DACH1: variants seen among roughly 807,000 people sequenced by gnomAD.
DACH1 encodes dachshund family transcription factor 1.
A neutral mutation model predicts 54.2 loss-of-function variants in DACH1; 12 were observed. The ratio of observed to expected loss-of-function variants is 0.22; its 90% CI spans 0.14 to 0.36. DACH1 has a LOEUF of 0.36. DACH1 is among the 10% of genes least tolerant of loss of function. The probability of loss-of-function intolerance (pLI) is 1.00; values close to 1 mark genes in which losing one functional copy is unlikely to be tolerated. For synonymous variants in DACH1, 386 were observed against 366.2 expected (o/e 1.05, Z -0.62); for missense variants, 805 against 929.8 (o/e 0.87, Z 1.75).
intron 1 of DACH1, among the ~76,000 whole-genome samples, chr13:71,725,126 T>G (rs1447496404): frequency 6.6e-6 from 1 of 152,056 alleles, no homozygotes; most frequent in African/African-American, 2.4e-5. Context: ...AACATAAAAT[T>G]AGTACAACAA....
At chr13:71,779,207 G>GTA (rs1186277049) in intron 1 of DACH1, among the ~76,000 whole-genome samples, 7 of 104,576 alleles carry the variant, frequency 6.7e-5, no homozygotes, top group African/African-American at 2.4e-4. Context: ...GTATATATGT[G>GTA]TATATATATA....
At chr13:71,572,053 T>C (rs1481363208) in intron 4 of DACH1, among the ~76,000 whole-genome samples, 2 of 152,148 alleles carry the variant, frequency 1.3e-5, no homozygotes, top group Admixed American at 1.3e-4. Flanking sequence ...AAAAATGGGA[T>C]AATTGTAATG....
chr13:71,815,640 C>T (rs1009218496), intron 1 of DACH1, among the ~76,000 whole-genome samples: 4 of 152,126 alleles, frequency 2.6e-5, no homozygotes, highest in African/African-American at 9.7e-5. Context: ...TTTAGGAAAA[C>T]AGTTTAACAA....
chr13:71,603,396 C>T (rs1417151881), intron 3 of DACH1, among the ~76,000 whole-genome samples: 1 of 152,004 alleles, frequency 6.6e-6, no homozygotes, highest in Non-Finnish European at 1.5e-5. Context: ...AGTGTGCCTA[C>T]ACCACAGGTT....
chr13:71,785,911 C>G (rs1886572982), intron 1 of DACH1, among the ~76,000 whole-genome samples: 1 of 152,126 alleles, frequency 6.6e-6, no homozygotes, highest in African/African-American at 2.4e-5. Context: ...TATTCTTGGA[C>G]AGGCAGGGTC....
chr13:71,627,944 T>C (rs1411276326), intron 3 of DACH1, among the ~76,000 whole-genome samples: 1 of 151,976 alleles, frequency 6.6e-6, no homozygotes, highest in Non-Finnish European at 1.5e-5. Context: ...ATAATAATAA[T>C]AGCAAAAGCA....
intron 3 of DACH1, among the ~76,000 whole-genome samples, chr13:71,592,264 T>C (rs1873763206): frequency 6.6e-6 from 1 of 151,922 alleles, no homozygotes; most frequent in Non-Finnish European, 1.5e-5. Context: ...GTAATCTCAA[T>C]ATTTTTGGAG....
chr13:71,795,372 T>C (rs1887003760), intron 1 of DACH1, among the ~76,000 whole-genome samples: 1 of 152,168 alleles, frequency 6.6e-6, no homozygotes, highest in Non-Finnish European at 1.5e-5. Context: ...CAGTGAACCA[T>C]GTTTACTTTC....
At chr13:71,668,599 G>A (rs1342057152) in intron 2 of DACH1, among the ~76,000 whole-genome samples, 2 of 151,764 alleles carry the variant, frequency 1.3e-5, no homozygotes, top group African/African-American at 4.8e-5. Flanking sequence ...TGATCTAATT[G>A]AAAAATACAA....
At chr13:71,729,312 TA>T (rs1475388904) in intron 1 of DACH1, among the ~76,000 whole-genome samples, 1 of 152,066 alleles carries the variant, frequency 6.6e-6, no homozygotes, top group Non-Finnish European at 1.5e-5. Flanking sequence ...GAATGCAATC[TA>T]TCTAGTCCAC....
intron 1 of DACH1, among the ~76,000 whole-genome samples, chr13:71,686,691 C>G (rs1474396506): frequency 6.6e-6 from 1 of 152,154 alleles, no homozygotes; most frequent in African/African-American, 2.4e-5. Flanking sequence ...AAGCTTAATT[C>G]TCTTTCTAAG....
chr13:71,528,680 C>T (rs991231748), intron 6 of DACH1, among the ~76,000 whole-genome samples: 1 of 151,756 alleles, frequency 6.6e-6, no homozygotes, highest in Non-Finnish European at 1.5e-5. Context: ...TCCACCGGGC[C>T]GGAAAAACAG....
chr13:71,866,918 G>C lies in DACH1; in HGVS notation c.-149C>G, dbSNP rs1295243291. The stretch of plus-strand genomic sequence containing the variant: ...GAACGAGAAGGAGAAAGGGAGAGAA[G>C]GGGGAGAAAAGGAGGTGAAGGTAAT... On this transcript the variant is annotated 5_prime_UTR_variant, in exon 1 of 11. Transcript: ENST00000613252. 1.2e-5 allele frequency: 7 copies of C among 585,648 alleles called. No individual in the cohort carries two copies. Among genetic ancestry groups the C allele is most frequent in the Non-Finnish European group, 1.8e-5 (7 of 399,964 alleles). 36.3% of individuals were successfully genotyped at this position (585,648 alleles called of 1,614,324 possible).
In DACH1 at chr13:71,866,438, G is replaced by A. The variant is rs748193522; in HGVS notation, c.332C>T (p.Ala111Val). Residue 111 changes from alanine (A) to valine (V), a missense_variant, in exon 1 of 11, where the codon GCG becomes GTG. Physicochemically the swap from Ala to Val is moderately conservative, Grantham distance 64. Transcript: ENST00000613252. ...GSNCNPNLAA[A>V]SNGSGGGGGG... Reference sequence around the variant, plus strand: ...GCCGCCGCCGCCGCTGCCGTTGCTCGCGGCCGCCAGGTTGGGGTTGCAGTT... The same window carrying A: ...GCCGCCGCCGCCGCTGCCGTTGCTCACGGCCGCCAGGTTGGGGTTGCAGTT... The A allele has an allele frequency of 1.9e-5, 27 of 1,392,238 alleles. No homozygotes were observed. The highest frequency in any genetic ancestry group is 1.6e-5 in the Non-Finnish European group (17 of 1,065,008). 86.2% of individuals were successfully genotyped at this position (1,392,238 alleles called of 1,614,324 possible).
At chr13:71,619,452 A>G (rs1212658617) in intron 3 of DACH1, among the ~76,000 whole-genome samples, 1 of 151,918 alleles carries the variant, frequency 6.6e-6, no homozygotes, top group East Asian at 1.9e-4. Flanking sequence ...CATTTATCCA[A>G]TTAATAAAAA....
chr13:71,834,709 T>A (rs79292587), intron 1 of DACH1, among the ~76,000 whole-genome samples: 12,382 of 151,970 alleles, frequency 0.081, 1,555 homozygotes, highest in African/African-American at 0.27. Context: ...ATGCACTACT[T>A]AAATTGGTTT....
chr13:71,642,623 T>C (rs1166650596), intron 2 of DACH1, among the ~76,000 whole-genome samples: 1 of 152,236 alleles, frequency 6.6e-6, no homozygotes, highest in Non-Finnish European at 1.5e-5. Context: ...AGTTCAAATT[T>C]ATAAGGTGAC....
At chr13:71,675,054 T>A in intron 2 of DACH1, 1 of 1,239,542 alleles carries the variant, frequency 8.1e-7, no homozygotes, top group Non-Finnish European at 1.2e-6. Context: ...AGTAAGGAGG[T>A]CTCTGTACCA....
chr13:71,699,531 T>C (rs1326607815), intron 1 of DACH1, among the ~76,000 whole-genome samples: 1 of 152,218 alleles, frequency 6.6e-6, no homozygotes, highest in Non-Finnish European at 1.5e-5. Flanking sequence ...TACTCTTTTA[T>C]TGGGTTCACC....
Sources: allele counts gnomAD v4.1 joint callset (sites outside exome capture counted in the v4.1 genomes callset), GRCh38; gene constraint gnomAD v4.1.1; transcripts MANE v1.5; gene names NCBI Gene and HGNC (gene_info 2026-07-23, HGNC 2026-07-21).